The following MYO1B variants were observed in gnomAD, a reference collection of about 807,000 sequenced individuals.
The protein encoded by MYO1B is myosin IB, also known as unconventional myosin-Ib.
MYO1B carries 72 observed loss-of-function variants against 159.7 expected under a neutral mutation model. That is an observed-to-expected ratio of 0.45 (90% CI 0.37 to 0.55). The LOEUF (loss-of-function observed/expected upper bound fraction) is 0.55. Ranked by LOEUF, MYO1B falls within the 20% of genes least tolerant of loss-of-function variation. The pLI is 0.00. For missense variants in MYO1B, 1,062 were observed against 1,364.8 expected (o/e 0.78, Z 3.50); for synonymous variants, 468 against 473.8 (o/e 0.99, Z 0.16).
chr2:191,346,224 C>T lies in MYO1B; in HGVS notation c.452-12C>T. On this transcript the variant is annotated splice_polypyrimidine_tract_variant and intron_variant, in intron 5 of 30. Coordinates refer to ENST00000392318, the MANE Select transcript of MYO1B (RefSeq NM_001130158.3). ...TATTTTTTTAACCATACATCTGTTT[C>T]TTTCCTACTAGCTTTTGGAAATGCC... 6.4e-7 allele frequency: 1 copy of T among 1,555,510 alleles called. No homozygotes were observed. The highest frequency in any genetic ancestry group is 8.7e-7 in the Non-Finnish European group (1 of 1,147,908).
At chr2:191,314,190 T>A (rs1277509345) in intron 3 of MYO1B, among the ~76,000 whole-genome samples, 2 of 152,252 alleles carry the variant, frequency 1.3e-5, no homozygotes, top group Non-Finnish European at 2.9e-5. Flanking sequence ...CATTTCCAGT[T>A]TAATTTTATT....
At chr2:191,297,315 G>A (rs1222860818) in intron 3 of MYO1B, among the ~76,000 whole-genome samples, 1 of 152,154 alleles carries the variant, frequency 6.6e-6, no homozygotes, top group Non-Finnish European at 1.5e-5. Context: ...TGCTGCAAGG[G>A]GCCCACGGTG....
At chr2:191,354,089 C>T (rs1693103510) in intron 7 of MYO1B, among the ~76,000 whole-genome samples, 1 of 151,974 alleles carries the variant, frequency 6.6e-6, no homozygotes, top group Non-Finnish European at 1.5e-5. Context: ...AACCCCGTCT[C>T]TCCTAAAAAT....
In MYO1B at chr2:191,329,921, A is replaced by G. The variant is rs1691353576; in HGVS notation, c.252-14A>G. ...TCTGAAGTCTAAGGAATTTTTTTCC[A>G]TTATCCCCTGCAGCTTTGCCCTTTC... is the stretch of plus-strand genomic sequence containing the variant. On this transcript the variant is annotated splice_polypyrimidine_tract_variant and intron_variant, in intron 3 of 30. Transcript: ENST00000392318. 2.5e-6 allele frequency: 4 copies of G among 1,602,730 alleles called. No homozygotes were observed. The highest frequency in any genetic ancestry group is 3.4e-6 in the Non-Finnish European group (4 of 1,174,030).
intron 3 of MYO1B, among the ~76,000 whole-genome samples, chr2:191,315,403 G>A (rs1172395960): frequency 6.6e-6 from 1 of 152,094 alleles, no homozygotes; most frequent in African/African-American, 2.4e-5. Context: ...CTGACCAAAG[G>A]CAGCTTAGTA....
chr2:191,354,990 C>G (rs1693177952), intron 7 of MYO1B, among the ~76,000 whole-genome samples: 2 of 152,210 alleles, frequency 1.3e-5, no homozygotes, highest in African/African-American at 4.8e-5. Flanking sequence ...CTCATTGATT[C>G]AAAGCTTGAC....
chr2:191,271,831 TG>T (rs1687472470), intron 1 of MYO1B, among the ~76,000 whole-genome samples: 2 of 152,176 alleles, frequency 1.3e-5, no homozygotes, highest in South Asian at 4.1e-4. Context: ...CTGGATGTGC[TG>T]TTTTGTGTAG....
At chr2:191,266,615 A>G (rs193204786) in intron 1 of MYO1B, among the ~76,000 whole-genome samples, 88 of 152,332 alleles carry the variant, frequency 5.8e-4, no homozygotes, top group African/African-American at 1.9e-3. Flanking sequence ...GACCCGTCAG[A>G]AAAGCTTCAT....
intron 3 of MYO1B, among the ~76,000 whole-genome samples, chr2:191,314,281 TCAA>T (rs1241419219): frequency 6.6e-6 from 1 of 152,256 alleles, no homozygotes; most frequent in Non-Finnish European, 1.5e-5. Context: ...ACACTATTGT[TCAA>T]CAGACTTCAG....
At chr2:191,269,010 C>A (rs35892286) in intron 1 of MYO1B, among the ~76,000 whole-genome samples, 1 of 151,990 alleles carries the variant, frequency 6.6e-6, no homozygotes, top group African/African-American at 2.4e-5. Context: ...GTAAAATATA[C>A]ATAACATAAA....
intron 3 of MYO1B, among the ~76,000 whole-genome samples, chr2:191,306,339 A>G (rs1689650785): frequency 6.6e-6 from 1 of 152,198 alleles, no homozygotes; most frequent in South Asian, 2.1e-4. Context: ...CTAGAACAGC[A>G]TGGCACATCA....
chr2:191,277,368 C>G (rs956760488), intron 2 of MYO1B, among the ~76,000 whole-genome samples: 5 of 152,168 alleles, frequency 3.3e-5, no homozygotes, highest in African/African-American at 4.8e-5. Flanking sequence ...TTAACAAAGT[C>G]TAATCAGGGA....
chr2:191,253,706 C>G (rs1172480830), intron 1 of MYO1B, among the ~76,000 whole-genome samples: 1 of 152,184 alleles, frequency 6.6e-6, no homozygotes, highest in Admixed American at 6.5e-5. Flanking sequence ...ATCACATGCA[C>G]ATCACATTCT....
At chr2:191,398,983 A>G (rs1696405239) in intron 21 of MYO1B, among the ~76,000 whole-genome samples, 3 of 152,362 alleles carry the variant, frequency 2.0e-5, no homozygotes, top group African/African-American at 7.2e-5. Context: ...ACCATTGAGC[A>G]CTGAGTGAAC....
At chr2:191,282,406 A>G (rs781101409) in intron 2 of MYO1B, among the ~76,000 whole-genome samples, 11 of 152,246 alleles carry the variant, frequency 7.2e-5, no homozygotes, top group Non-Finnish European at 1.0e-4. Context: ...GCAGGGCTGG[A>G]GTTCAGACAA....
At chr2:191,370,077 C>T in intron 12 of MYO1B, 150 bp from the exon 13 acceptor site, 2 of 589,016 alleles carry the variant, frequency 3.4e-6, no homozygotes, top group Non-Finnish European at 6.0e-6. Context: ...ACCAATGCCT[C>T]ATCTCATACA....
intron 30 of MYO1B, 128 bp downstream of exon 30, chr2:191,416,370 A>T: frequency 9.0e-7 from 1 of 1,116,562 alleles, no homozygotes; most frequent in Non-Finnish European, 1.3e-6. Flanking sequence ...GTTGTTCCAC[A>T]TGATAAATGG....
At chr2:191,375,507 A>AGATAGATAGATAGATG (rs1694647622) in intron 13 of MYO1B, among the ~76,000 whole-genome samples, 6 of 151,562 alleles carry the variant, frequency 4.0e-5, no homozygotes, top group Non-Finnish European at 1.5e-5. Context: ...ATAGATAGAT[A>AGATAGATAGATAGATG]GATAGATGGA....
At chr2:191,404,162 G>C (rs961554862) in intron 24 of MYO1B, among the ~76,000 whole-genome samples, 1 of 151,596 alleles carries the variant, frequency 6.6e-6, no homozygotes, top group Non-Finnish European at 1.5e-5. Context: ...TGATAATTTT[G>C]CCCTCTCAAA....
Sources: gnomAD v4.1 joint callset for allele counts (sites outside exome capture counted in the v4.1 genomes callset) on GRCh38, gnomAD v4.1.1 for gene constraint, MANE v1.5 for transcripts, NCBI Gene and HGNC (gene_info 2026-07-23, HGNC 2026-07-21) for gene names.